CCDC50: variants seen among roughly 807,000 people sequenced by gnomAD.
CCDC50 encodes coiled-coil domain-containing protein 50.
In CCDC50, 54 loss-of-function variants were observed where a neutral mutation model predicts 70.2. The ratio of observed to expected loss-of-function variants is 0.77; its 90% CI spans 0.62 to 0.96. CCDC50 has a LOEUF of 0.96. Among genes scored for constraint, CCDC50 ranks in the 50% least tolerant of loss-of-function variants. The pLI is 0.00. For synonymous variants in CCDC50, 216 were observed against 198.8 expected, an observed-to-expected ratio of 1.09 and a Z score of -0.73; for missense variants, 558 against 578.7, an observed-to-expected ratio of 0.96 and a Z score of 0.37.
At chr3:191,362,754 T>G (rs1315467413) in intron 4 of CCDC50, among the ~76,000 whole-genome samples, 1 of 152,210 alleles carries the variant, frequency 6.6e-6, no homozygotes, top group African/African-American at 2.4e-5. Context: ...CTTGTTCCTG[T>G]AAGACTTCTG....
rs369518060 is a variant in CCDC50, at chr3:191,391,713, G to A, written c.1430-28G>A. ...GAGTTTCAAAGGTTTTTCCTTAATT[G>A]TGTTTCCTTTTTTCTTCCCCTCCCC... On this transcript the variant is annotated intron_variant, in intron 11 of 11. Coordinates refer to ENST00000392455, the MANE Select transcript of CCDC50 (RefSeq NM_178335.3). 4 of 1,609,922 alleles carry A rather than the reference G, an allele frequency of 2.5e-6. No individual in the cohort carries two copies. The African/African-American group carries it at 5.3e-5, about 22-fold the overall frequency.
chr3:191,390,232 A>T (rs187489906), intron 11 of CCDC50, among the ~76,000 whole-genome samples: 1 of 152,002 alleles, frequency 6.6e-6, no homozygotes, highest in Middle Eastern at 3.2e-3. Flanking sequence ...CTTGTTTCCT[A>T]TCTGCCCATG....
At chr3:191,334,419 G>A (rs1419815032) in intron 1 of CCDC50, among the ~76,000 whole-genome samples, 3 of 152,106 alleles carry the variant, frequency 2.0e-5, no homozygotes, top group Non-Finnish European at 4.4e-5. Context: ...CTTAACGGAC[G>A]ACTCACACGT....
At chr3:191,348,602 C>T (rs1354301742) in intron 1 of CCDC50, among the ~76,000 whole-genome samples, 1 of 142,034 alleles carries the variant, frequency 7.0e-6, no homozygotes, top group Non-Finnish European at 1.6e-5. Context: ...GATCATCTAT[C>T]TCCCAGACAG....
At chr3:191,371,129 T>G (rs989952306) in intron 5 of CCDC50, among the ~76,000 whole-genome samples, 1 of 152,160 alleles carries the variant, frequency 6.6e-6, no homozygotes, top group Non-Finnish European at 1.5e-5. Context: ...ATATTAAATT[T>G]TAAGATTTCC....
chr3:191,383,153 G>A (rs946263870), intron 10 of CCDC50, among the ~76,000 whole-genome samples: 3 of 152,120 alleles, frequency 2.0e-5, no homozygotes, highest in South Asian at 2.1e-4. Context: ...ATAAAATTTC[G>A]AGTTTTAAAT....
At chr3:191,380,075 A>T (rs1713257024) in intron 6 of CCDC50, 84 bp from the exon 7 acceptor site, 1 of 831,290 alleles carries the variant, frequency 1.2e-6, no homozygotes, top group Non-Finnish European at 2.0e-6. Context: ...ACTAAAGAAA[A>T]ATCTCCTTTA....
Position 191,380,698 on chromosome 3 carries a change from G to A in CCDC50, c.1104G>A (p.Val368=), listed in dbSNP as rs1458344364. The part of the protein sequence containing the change: ...LQEEELLATQ[V]DMRAAQVAQD... The stretch of plus-strand genomic sequence containing the variant: ...TTTCGATATCATAGGCTACCCAGGT[G>A]GACATGAGAGCCGCTCAAGTAGCTC... The change falls in exon 8 of 12, where the codon GTG becomes GTA. Residue 368 remains valine (V), a synonymous_variant. Coordinates refer to ENST00000392455, the MANE Select transcript of CCDC50 (RefSeq NM_178335.3). 1.2e-6 allele frequency: 2 copies of A among 1,612,470 alleles called. No homozygotes were observed. The highest frequency in any genetic ancestry group is 1.7e-4 in the Middle Eastern group (1 of 6,054).
intron 1 of CCDC50, among the ~76,000 whole-genome samples, chr3:191,331,671 A>G (rs1717989697): frequency 6.6e-6 from 1 of 152,190 alleles, no homozygotes; most frequent in South Asian, 2.1e-4. Flanking sequence ...GAAGTGATGT[A>G]TTATACTAGG....
At position 191,396,670 on chromosome 3, in the gene CCDC50, C is replaced by A. The variant is rs868583664; in HGVS notation, c.*4910C>A. 2.4e-4 allele frequency: 37 copies of A among 152,268 alleles called. No individual in the cohort carries two copies. The highest frequency in any genetic ancestry group is 8.4e-4 in the African/African-American group (35 of 41,558). The allele number at this position is 152,268 out of a possible 1,614,324, so 9.4% of individuals were successfully genotyped here. Reference sequence around the variant, plus strand: ...TTAACAGGGAAAAAAAAGGAGAAAACCGAACAAAACAGAGACATTTACTTG... The same window carrying A: ...TTAACAGGGAAAAAAAAGGAGAAAAACGAACAAAACAGAGACATTTACTTG... On this transcript the variant is annotated 3_prime_UTR_variant, in exon 12 of 12. Transcript: ENST00000392455.
intron 3 of CCDC50, among the ~76,000 whole-genome samples, chr3:191,360,752 A>ACAG (rs1712457757): frequency 6.6e-6 from 1 of 152,202 alleles, no homozygotes; most frequent in Non-Finnish European, 1.5e-5. Context: ...GGACCGTCAA[A>ACAG]CAGGCCCCAG....
intron 10 of CCDC50, among the ~76,000 whole-genome samples, chr3:191,383,412 G>A (rs548271615): frequency 1.2e-3 from 187 of 150,116 alleles, no homozygotes; most frequent in Middle Eastern, 3.4e-3. Context: ...CTCTGGGGAA[G>A]TAACCTCTTT....
At chr3:191,349,862 AC>A (rs1393589900) in intron 1 of CCDC50, among the ~76,000 whole-genome samples, 1 of 140,980 alleles carries the variant, frequency 7.1e-6, no homozygotes, top group Non-Finnish European at 1.6e-5. Context: ...GGACATGGAA[AC>A]CACTTTCTGA....
At chr3:191,354,495 A>G (rs1712210182) in intron 1 of CCDC50, among the ~76,000 whole-genome samples, 1 of 152,220 alleles carries the variant, frequency 6.6e-6, no homozygotes, top group Non-Finnish European at 1.5e-5. Context: ...TAATAATTTC[A>G]TAATTTTTAA....
At chr3:191,348,570 A>G (rs1319806162) in intron 1 of CCDC50, among the ~76,000 whole-genome samples, 1 of 142,050 alleles carries the variant, frequency 7.0e-6, no homozygotes, top group Non-Finnish European at 1.6e-5. Flanking sequence ...ATTTAATTGT[A>G]TTATGGATCT....
chr3:191,358,339 G>A (rs541649764), intron 3 of CCDC50, among the ~76,000 whole-genome samples: 1 of 152,294 alleles, frequency 6.6e-6, no homozygotes, highest in East Asian at 1.9e-4. Flanking sequence ...GTTGATGATG[G>A]TGTGAATTTT....
At position 191,337,657 on chromosome 3, in the gene CCDC50, GA is replaced by G. The variant is rs57799209; in HGVS notation, c.49+7943del. ...TGCACCCAGCCTCTTTTTTTAAGAAGAAAAAAAAATTACACTCCGGTAAATT... is the reference window on the plus strand; with the variant it reads ...TGCACCCAGCCTCTTTTTTTAAGAAGAAAAAAAATTACACTCCGGTAAATT... On this transcript the variant is annotated intron_variant, in intron 1 of 11. Coordinates refer to ENST00000392455, the MANE Select transcript of CCDC50 (RefSeq NM_178335.3). 3.0e-3 allele frequency among the ~76,000 whole-genome samples: 446 copies of G among 150,048 alleles called. 6 individuals are homozygous for G. The highest frequency in any genetic ancestry group is 9.7e-3 in the African/African-American group (398 of 40,988).
At chr3:191,356,016 A>G (rs1204469566) in intron 1 of CCDC50, among the ~76,000 whole-genome samples, 2 of 152,236 alleles carry the variant, frequency 1.3e-5, no homozygotes. Flanking sequence ...AAGTGTCCTC[A>G]TAGGCAAATC....
At position 191,361,139 on chromosome 3, in the gene CCDC50, A is replaced by G; in HGVS notation, c.310A>G (p.Ile104Val). 1.2e-6 allele frequency: 2 copies of G among 1,613,498 alleles called. No individual in the cohort carries two copies. The highest frequency in any genetic ancestry group is 1.7e-6 in the Non-Finnish European group (2 of 1,179,450). The change falls in exon 4 of 12, where the codon ATT (isoleucine) becomes GTT (valine). Residue 104 changes from isoleucine to valine, a missense_variant. Transcript: ENST00000392455. ...KLAIEAERRR[I>V]QEKKDEDIAR... ...GGCTATTGAGGCAGAGAGACGACGC[A>G]TTCAGGAGAAGAAGGATGAGGTATA...
Sources: allele counts gnomAD v4.1 joint callset (sites outside exome capture counted in the v4.1 genomes callset), GRCh38; gene constraint gnomAD v4.1.1; transcripts MANE v1.5; gene names NCBI Gene and HGNC (gene_info 2026-07-23, HGNC 2026-07-21).